MROH9: variants seen among roughly 807,000 people sequenced by gnomAD.
MROH9 encodes the protein maestro heat like repeat family member 9.
In MROH9, 92 loss-of-function variants were observed where a neutral mutation model predicts 98.2. That is an observed-to-expected ratio of 0.94 (90% CI 0.79 to 1.11). The LOEUF is 1.11. Ranked by LOEUF, MROH9 falls within the 50% of genes most tolerant of loss-of-function variation. The pLI, the probability that MROH9 is intolerant of heterozygous loss-of-function variation, is 0.00. For synonymous variants in MROH9, 397 were observed against 368.9 expected (o/e 1.08, Z -0.87); for missense variants, 1,057 against 1,014.8 (o/e 1.04, Z -0.57).
At chr1:171,035,272 G>T (rs561092251) in intron 20 of MROH9, among the ~76,000 whole-genome samples, 1 of 151,046 alleles carries the variant, frequency 6.6e-6, no homozygotes, top group East Asian at 1.9e-4. Flanking sequence ...AAAATAAAAC[G>T]TACAAAAAAT....
intron 19 of MROH9, 121 bp downstream of exon 19, chr1:171,024,886 A>T (rs183507070): frequency 9.3e-4 from 586 of 631,482 alleles, no homozygotes; most frequent in Non-Finnish European, 1.0e-3. Flanking sequence ...ATGGAAGAAA[A>T]TATTTTAAAT....
intron 16 of MROH9, among the ~76,000 whole-genome samples, chr1:171,014,633 C>G (rs1007133053): frequency 6.6e-6 from 1 of 152,170 alleles, no homozygotes; most frequent in Admixed American, 6.5e-5. Flanking sequence ...TTTTCTTCTA[C>G]TCATAATGTT....
intron 15 of MROH9, chr1:170,998,590 T>C: frequency 7.5e-7 from 1 of 1,329,650 alleles, no homozygotes; most frequent in Non-Finnish European, 9.6e-7. Context: ...GAGGGATAAT[T>C]GGGTTTAATA....
intron 8 of MROH9, among the ~76,000 whole-genome samples, chr1:170,975,884 A>G (rs539199690): frequency 6.6e-6 from 1 of 152,206 alleles, no homozygotes; most frequent in Admixed American, 6.5e-5. Context: ...ATTGAATTGA[A>G]TCCTTCATCA....
intron 17 of MROH9, among the ~76,000 whole-genome samples, chr1:171,023,892 C>T (rs2101841269): frequency 6.6e-6 from 1 of 152,290 alleles, no homozygotes; most frequent in South Asian, 2.1e-4. Context: ...CTTTAACCAA[C>T]ATCTCCCCCA....
intron 15 of MROH9, among the ~76,000 whole-genome samples, chr1:171,002,660 T>A (rs957501459): frequency 4.6e-5 from 7 of 152,222 alleles, no homozygotes; most frequent in African/African-American, 1.7e-4. Context: ...GGATAACTGG[T>A]GCTTCTGTCT....
intron 8 of MROH9, among the ~76,000 whole-genome samples, chr1:170,978,943 T>C (rs1650821609): frequency 1.3e-5 from 2 of 151,708 alleles, no homozygotes; most frequent in African/African-American, 2.4e-5. Context: ...TCCCAGGGAG[T>C]TGCAGAGATG....
At chr1:170,973,386 T>A (rs149243288) in intron 8 of MROH9, among the ~76,000 whole-genome samples, 2 of 152,268 alleles carry the variant, frequency 1.3e-5, no homozygotes, top group African/African-American at 4.8e-5. Context: ...GGGTTTTGTC[T>A]CATTAGGAGA....
At chr1:170,970,727 T>TGAGAGAGAGAGA (rs1460980153) in intron 7 of MROH9, among the ~76,000 whole-genome samples, 29 of 124,440 alleles carry the variant, frequency 2.3e-4, no homozygotes, top group African/African-American at 9.3e-4. Flanking sequence ...TGTGTGTGTG[T>TGAGAGAGAGAGA]GTGTGAGAGA....
chr1:170,983,031 G>T (rs1650995415), intron 8 of MROH9, among the ~76,000 whole-genome samples: 1 of 152,200 alleles, frequency 6.6e-6, no homozygotes, highest in South Asian at 2.1e-4. Context: ...AGCTTTTGCT[G>T]AGCACTTCTG....
chr1:170,970,731 TGAGA>T (rs1199063303), intron 7 of MROH9, among the ~76,000 whole-genome samples: 250 of 90,820 alleles, frequency 2.8e-3, no homozygotes, highest in Non-Finnish European at 3.6e-3. Flanking sequence ...TGTGTGTGTG[TGAGA>T]GAGAGAGAGA....
intron 2 of MROH9, among the ~76,000 whole-genome samples, chr1:170,946,334 A>T (rs1649331230): frequency 6.6e-6 from 1 of 152,020 alleles, no homozygotes; most frequent in East Asian, 1.9e-4. Context: ...AAAATACCTA[A>T]CCAGTGCTCT....
rs1203192059 is a variant in MROH9, at chr1:170,973,281, T to C, written c.616+1398T>C. On this transcript the variant is annotated intron_variant, in intron 8 of 21. Transcript: ENST00000367759. Reference sequence around the variant, plus strand: ...CAACAAAAATGATTAGAGAAAAAGATTCAGTGCTCAACAAAGGCTAGTGAT... The same window carrying C: ...CAACAAAAATGATTAGAGAAAAAGACTCAGTGCTCAACAAAGGCTAGTGAT... Among the ~76,000 whole-genome samples, 5 of 152,220 alleles carry C rather than the reference T, an allele frequency of 3.3e-5. No homozygotes were observed. The East Asian group carries it at 9.7e-4, about 29-fold the overall frequency.
At chr1:170,991,503 G>A (rs539012669) in intron 11 of MROH9, among the ~76,000 whole-genome samples, 60 of 152,202 alleles carry the variant, frequency 3.9e-4, no homozygotes, top group African/African-American at 1.3e-3. Context: ...AATTGGCAAG[G>A]TATCAGAAAT....
intron 15 of MROH9, among the ~76,000 whole-genome samples, chr1:171,005,871 A>T (rs900474796): frequency 1.3e-5 from 2 of 151,978 alleles, no homozygotes; most frequent in Admixed American, 1.3e-4. Context: ...CCCTTTACAT[A>T]TTTTTATATT....
intron 20 of MROH9, among the ~76,000 whole-genome samples, chr1:171,053,670 T>C (rs1360602986): frequency 6.6e-6 from 1 of 152,154 alleles, no homozygotes; most frequent in Non-Finnish European, 1.5e-5. Context: ...TAGATATACC[T>C]TTAAAATAAA....
At chr1:170,995,275 T>C in intron 12 of MROH9, 114 bp from the exon 13 acceptor site, 1 of 1,152,538 alleles carries the variant, frequency 8.7e-7, no homozygotes, top group Non-Finnish European at 1.3e-6. Flanking sequence ...TTAGGTTTTC[T>C]TCAAGGAGGC....
At position 171,059,589 on chromosome 1, in the gene MROH9, C is replaced by T. The variant is rs533542895; in HGVS notation, c.2282-2543C>T. ...ATTCTCATATAAAGACACATGCACA[C>T]CTATGTCTATTGCAGCATTGTAAAG... On this transcript the variant is annotated intron_variant, in intron 20 of 21. Transcript: ENST00000367759. Among the ~76,000 whole-genome samples the T allele has an allele frequency of 2.9e-4, 44 of 152,212 alleles. No individual in the cohort carries two copies. In the South Asian group the frequency reaches 8.5e-3, roughly 29 times the overall value.
intron 3 of MROH9, among the ~76,000 whole-genome samples, chr1:170,950,983 T>C (rs188183637): frequency 6.6e-6 from 1 of 151,988 alleles, no homozygotes; most frequent in African/African-American, 2.4e-5. Flanking sequence ...CCACTGAAAA[T>C]CCCTCTTTTT....
Sources: allele counts gnomAD v4.1 joint callset (sites outside exome capture counted in the v4.1 genomes callset), GRCh38; gene constraint gnomAD v4.1.1; transcripts MANE v1.5; gene names NCBI Gene and HGNC (gene_info 2026-07-23, HGNC 2026-07-21).